Variants in CDH4 observed in about 807,000 individuals in gnomAD.
The protein encoded by CDH4 is cadherin 4.
Under a neutral mutation model 86.0 loss-of-function variants are expected in CDH4, and 33 were observed. The ratio of observed to expected loss-of-function variants is 0.38; its 90% CI spans 0.29 to 0.51. The LOEUF is 0.51. Among genes scored for constraint, CDH4 ranks in the 20% least tolerant of loss-of-function variants. The pLI, the probability that CDH4 is intolerant of heterozygous loss-of-function variation, is 0.86. For missense variants in CDH4, 1,114 were observed against 1,307.4 expected (o/e 0.85, Z 2.28); for synonymous variants, 555 against 549.4 (o/e 1.01, Z -0.14).
intron 2 of CDH4, among the ~76,000 whole-genome samples, chr20:61,466,993 C>G (rs2085475970): frequency 6.6e-6 from 1 of 152,222 alleles, no homozygotes; most frequent in South Asian, 2.1e-4. Context: ...TTCTGACCCA[C>G]CAAAGCAGTG....
intron 2 of CDH4, among the ~76,000 whole-genome samples, chr20:61,660,151 G>C (rs1210569605): frequency 6.6e-6 from 1 of 152,128 alleles, no homozygotes; most frequent in Non-Finnish European, 1.5e-5. Flanking sequence ...GTGACGTGGC[G>C]ACCTTCCTTT....
At chr20:61,742,508 G>A (rs754359588) in intron 2 of CDH4, among the ~76,000 whole-genome samples, 6 of 152,074 alleles carry the variant, frequency 3.9e-5, no homozygotes, top group Non-Finnish European at 5.9e-5. Flanking sequence ...TTGGTTTCTC[G>A]AATAAATAGT....
chr20:61,581,294 C>T (rs1264905936), intron 2 of CDH4, among the ~76,000 whole-genome samples: 3 of 152,230 alleles, frequency 2.0e-5, no homozygotes, highest in Non-Finnish European at 1.5e-5. Flanking sequence ...TGGCTTCAAA[C>T]AACAGCGGTT....
chr20:61,904,216 G>A (rs58986791), intron 8 of CDH4, among the ~76,000 whole-genome samples: 4 of 152,156 alleles, frequency 2.6e-5, no homozygotes, highest in Non-Finnish European at 4.4e-5. Flanking sequence ...GGATCAGCAC[G>A]GCAGCAACTC....
chr20:61,654,314 A>G (rs1970021), intron 2 of CDH4, among the ~76,000 whole-genome samples: 57,128 of 152,024 alleles, frequency 0.38, 11,527 homozygotes, highest in Non-Finnish European at 0.46. Context: ...AATCGCAAGC[A>G]CTCGGCAGGC....
chr20:61,860,293 G>A (rs186612511), intron 6 of CDH4, among the ~76,000 whole-genome samples: 8 of 152,318 alleles, frequency 5.3e-5, no homozygotes, highest in African/African-American at 1.7e-4. Context: ...TCAGAGCACC[G>A]AGGTCCACGG....
At chr20:61,819,496 T>C (rs1330305813) in intron 4 of CDH4, among the ~76,000 whole-genome samples, 1 of 152,184 alleles carries the variant, frequency 6.6e-6, no homozygotes, top group Non-Finnish European at 1.5e-5. Flanking sequence ...AATGCGTCAT[T>C]AAGATGATCA....
chr20:61,517,159 A>G lies in CDH4; in HGVS notation c.170-226404A>G, dbSNP rs188760777. On this transcript the variant is annotated intron_variant, in intron 2 of 15. Coordinates refer to ENST00000614565, the MANE Select transcript of CDH4 (RefSeq NM_001794.5). The surrounding 1 kb of genome is among the most constrained non-coding windows in gnomAD (Gnocchi z 6.6). ...CCAGATTCCTGTATTCCAACTTTCT[A>G]GATGTTGCCTGACTTTGAACTTCGG... Among the ~76,000 whole-genome samples, 557 of 152,218 alleles carry G rather than the reference A, an allele frequency of 3.7e-3. 2 individuals carry two copies. Among genetic ancestry groups the G allele is most frequent in the South Asian group, 0.015 (70 of 4,820 alleles).
chr20:61,763,103 G>T (rs948153406), intron 3 of CDH4, among the ~76,000 whole-genome samples: 4 of 152,224 alleles, frequency 2.6e-5, no homozygotes, highest in Non-Finnish European at 5.9e-5. Context: ...AGTGAGGGAT[G>T]CCACCACCGC....
chr20:61,674,714 A>T (rs973716641), intron 2 of CDH4, among the ~76,000 whole-genome samples: 2 of 152,254 alleles, frequency 1.3e-5, no homozygotes, highest in African/African-American at 2.4e-5. Flanking sequence ...AAAATTGTTC[A>T]TGCGAAATCT....
chr20:61,266,186 A>G (rs1182896514), intron 2 of CDH4, among the ~76,000 whole-genome samples: 1 of 152,110 alleles, frequency 6.6e-6, no homozygotes, highest in Non-Finnish European at 1.5e-5. Context: ...CAGCCCAGGA[A>G]AGATGGCCCT....
chr20:61,793,199 A>T (rs151008301), intron 4 of CDH4, among the ~76,000 whole-genome samples: 3,196 of 149,626 alleles, frequency 0.021, 70 homozygotes, highest in African/African-American at 0.05. Context: ...TCCTGGCCTC[A>T]AGTGATCTGG....
At chr20:61,507,522 G>C (rs2085749764) in intron 2 of CDH4, among the ~76,000 whole-genome samples, 1 of 152,160 alleles carries the variant, frequency 6.6e-6, no homozygotes, top group Non-Finnish European at 1.5e-5. Flanking sequence ...CACAGTACAG[G>C]TGGAGTTCAC....
At chr20:61,624,960 A>G (rs530644843) in intron 2 of CDH4, among the ~76,000 whole-genome samples, 162 of 152,340 alleles carry the variant, frequency 1.1e-3, no homozygotes, top group African/African-American at 3.8e-3. Flanking sequence ...GGGCCACAGA[A>G]TAACTGGCAG....
In CDH4 at chr20:61,684,478, T is replaced by C. The variant is rs1253755766; in HGVS notation, c.170-59085T>C. Reference sequence around the variant, plus strand: ...CTTTTATACAAAATAGCCTTGAGCCTGGGCAGAATTCGGAGGCAACCATCT... The same window carrying C: ...CTTTTATACAAAATAGCCTTGAGCCCGGGCAGAATTCGGAGGCAACCATCT... On this transcript the variant is annotated intron_variant, in intron 2 of 15. Coordinates refer to ENST00000614565, the MANE Select transcript of CDH4 (RefSeq NM_001794.5). This position sits in a 1 kb window ranked among gnomAD's most constrained non-coding sequence, Gnocchi z 4.5. Among the ~76,000 whole-genome samples the C allele has an allele frequency of 6.6e-6, 1 of 152,204 alleles. No individual in the cohort carries two copies. The highest frequency in any genetic ancestry group is 2.4e-5 in the African/African-American group (1 of 41,440).
At chr20:61,932,460 T>A (rs950265970) in intron 13 of CDH4, among the ~76,000 whole-genome samples, 1 of 151,936 alleles carries the variant, frequency 6.6e-6, no homozygotes, top group African/African-American at 2.4e-5. Context: ...ACTATGGACA[T>A]GAACACATGC....
In CDH4 at chr20:61,933,143, C is replaced by CCCGCCT; in HGVS notation, c.2379+22_2379+27dup. On this transcript the variant is annotated intron_variant, in intron 14 of 15. Coordinates refer to ENST00000614565, the MANE Select transcript of CDH4 (RefSeq NM_001794.5). Reference sequence around the variant, plus strand: ...GGACCAGGTGAGACTGCGGCCCGCCCCCGCCTCCCCACGCGAGGCCGGCTC... The same window carrying CCCGCCT: ...GGACCAGGTGAGACTGCGGCCCGCCCCCGCCTCCGCCTCCCCACGCGAGGCCGGCTC... 6.2e-7 allele frequency: 1 copy of CCCGCCT among 1,608,472 alleles called. No homozygotes were observed. The highest frequency in any genetic ancestry group is 8.5e-7 in the Non-Finnish European group (1 of 1,176,914).
At chr20:61,443,009 A>T (rs575009938) in intron 2 of CDH4, among the ~76,000 whole-genome samples, 1 of 152,184 alleles carries the variant, frequency 6.6e-6, no homozygotes, top group Non-Finnish European at 1.5e-5. Context: ...TGTGAATCAC[A>T]ATGTCTTTAG....
chr20:61,411,877 C>T (rs936883890), intron 2 of CDH4, among the ~76,000 whole-genome samples: 1 of 152,206 alleles, frequency 6.6e-6, no homozygotes, highest in African/African-American at 2.4e-5. Flanking sequence ...TGGGGCTGCC[C>T]TGTATCCACT....
Sources: gnomAD v4.1 joint callset for allele counts (sites outside exome capture counted in the v4.1 genomes callset) on GRCh38, gnomAD v4.1.1 for gene constraint, Gnocchi (gnomAD v3.1) non-coding constraint, MANE v1.5 for transcripts, NCBI Gene and HGNC (gene_info 2026-07-23, HGNC 2026-07-21) for gene names.